Variants in IRAK1BP1 observed in about 807,000 individuals in gnomAD.
IRAK1BP1 encodes interleukin-1 receptor-associated kinase 1-binding protein 1.
Under a neutral mutation model 28.0 loss-of-function variants are expected in IRAK1BP1, and 24 were observed. The observed-to-expected ratio is 0.86, with a 90% CI of 0.62 to 1.20. The LOEUF (loss-of-function observed/expected upper bound fraction) is 1.20. Ranked by LOEUF, IRAK1BP1 falls within the 50% of genes most tolerant of loss-of-function variation. The probability of loss-of-function intolerance (pLI) is 0.00; values close to 1 mark genes in which losing one functional copy is unlikely to be tolerated. For missense variants in IRAK1BP1, 336 were observed against 316.7 expected, an observed-to-expected ratio of 1.06 and a Z score of -0.46; for synonymous variants, 131 against 116.3, an observed-to-expected ratio of 1.13 and a Z score of -0.81.
chr6:78,974,213 T>C, the IRAK1BP1 span, among the ~76,000 whole-genome samples: 1 of 152,058 alleles, frequency 6.6e-6, no homozygotes, highest in Admixed American at 6.5e-5. Flanking sequence ...GAATTCAGGA[T>C]TAAGAATCTC....
intron 2 of IRAK1BP1, among the ~76,000 whole-genome samples, chr6:78,889,456 A>G (rs1202690694): frequency 6.6e-6 from 1 of 152,124 alleles, no homozygotes; most frequent in Non-Finnish European, 1.5e-5. Flanking sequence ...GCTTCTGCAC[A>G]GCAAAAGAAA....
At chr6:78,971,062 CA>C in the IRAK1BP1 span, among the ~76,000 whole-genome samples, 2 of 152,116 alleles carry the variant, frequency 1.3e-5, no homozygotes, top group African/African-American at 4.8e-5. Context: ...AAATCATAAC[CA>C]AAGTGTTCTA....
chr6:78,920,527 A>C (rs551728485), intron 4 of IRAK1BP1, among the ~76,000 whole-genome samples: 64 of 152,288 alleles, frequency 4.2e-4, no homozygotes, highest in Middle Eastern at 3.4e-3. Flanking sequence ...AATAACAAGC[A>C]ATGGTGAAAG....
At chr6:78,895,657 A>G (rs1474825075) in intron 2 of IRAK1BP1, among the ~76,000 whole-genome samples, 1 of 152,222 alleles carries the variant, frequency 6.6e-6, no homozygotes, top group African/African-American at 2.4e-5. Context: ...TTATCTCAAT[A>G]GATACAGAAG....
At chr6:78,916,745 C>G (rs568569651) in intron 4 of IRAK1BP1, among the ~76,000 whole-genome samples, 91 of 151,928 alleles carry the variant, frequency 6.0e-4, no homozygotes, top group Admixed American at 4.5e-3. Context: ...AGAGACAAGC[C>G]CAGGCAGATC....
At chr6:78,903,942 C>G (rs903148271), downstream of IRAK1BP1, among the ~76,000 whole-genome samples, 4 of 152,168 alleles carry the variant, frequency 2.6e-5, no homozygotes, top group African/African-American at 7.2e-5. Context: ...TTCCCCTTCA[C>G]AAGACTGTGA....
intron 4 of IRAK1BP1, among the ~76,000 whole-genome samples, chr6:78,920,179 G>T (rs1301800208): frequency 6.6e-6 from 1 of 152,110 alleles, no homozygotes; most frequent in African/African-American, 2.4e-5. Flanking sequence ...GCTTGAACCT[G>T]GGAGGCAAAG....
Position 78,901,423 on chromosome 6 carries a change from CTGGAATCTTATGA to C in IRAK1BP1, c.*3092_*3104del, listed in dbSNP as rs1374509058. Reference sequence around the variant, plus strand: ...TTAATTTCTTGATACATGGCATACACTGGAATCTTATGATGAATTATTTAGGGGACCTGTGCCA... The same window carrying C: ...TTAATTTCTTGATACATGGCATACACTGAATTATTTAGGGGACCTGTGCCA... On this transcript the variant is annotated 3_prime_UTR_variant, in exon 4 of 4. Coordinates refer to ENST00000369940, the MANE Select transcript of IRAK1BP1 (RefSeq NM_001010844.4). 1 of 151,834 alleles carries C rather than the reference CTGGAATCTTATGA, an allele frequency of 6.6e-6. No homozygotes were observed. The highest frequency in any genetic ancestry group is 6.6e-5 in the Admixed American group (1 of 15,250). 9.4% of individuals were successfully genotyped at this position (151,834 alleles called of 1,614,324 possible).
chr6:78,871,432 C>T, intron 1 of IRAK1BP1: 1 of 985,554 alleles, frequency 1.0e-6, no homozygotes, highest in Non-Finnish European at 1.2e-6. Context: ...GACACCTTTT[C>T]TCCTTTTTGC....
intron 1 of IRAK1BP1, among the ~76,000 whole-genome samples, chr6:78,872,605 T>C (rs1186710373): frequency 6.6e-6 from 1 of 152,196 alleles, no homozygotes; most frequent in Non-Finnish European, 1.5e-5. Flanking sequence ...TGCTCCAGTT[T>C]CCTTTGAGTG....
chr6:78,939,708 G>C (rs925920228), intron 4 of IRAK1BP1: 1 of 151,960 alleles, frequency 6.6e-6, no homozygotes, highest in South Asian at 2.1e-4. Context: ...CATTAATCCA[G>C]ATCAACAAGT....
At chr6:78,885,127 C>T (rs1771371085) in intron 1 of IRAK1BP1, among the ~76,000 whole-genome samples, 1 of 151,976 alleles carries the variant, frequency 6.6e-6, no homozygotes, top group Non-Finnish European at 1.5e-5. Flanking sequence ...AACCATTCAA[C>T]CTTTATACAA....
chr6:78,887,608 A>G (rs574373110), intron 2 of IRAK1BP1, among the ~76,000 whole-genome samples: 45 of 152,154 alleles, frequency 3.0e-4, no homozygotes, highest in Middle Eastern at 3.4e-3. Context: ...GGAGGTTGCA[A>G]TGAGCCAAGA....
intron 1 of IRAK1BP1, chr6:78,871,543 T>C (rs1770791580): frequency 3.0e-6 from 3 of 984,938 alleles, no homozygotes; most frequent in African/African-American, 1.7e-5. Context: ...TCAAGGCATA[T>C]AGTTCTTGCA....
the IRAK1BP1 span, among the ~76,000 whole-genome samples, chr6:78,965,484 A>G: frequency 6.6e-6 from 1 of 152,206 alleles, no homozygotes; most frequent in South Asian, 2.1e-4. Flanking sequence ...TTGCTGTAAT[A>G]AATTAATTTC....
At chr6:78,967,871 A>G in the IRAK1BP1 span, among the ~76,000 whole-genome samples, 2 of 152,138 alleles carry the variant, frequency 1.3e-5, no homozygotes, top group African/African-American at 2.4e-5. Context: ...GCGGTGGCTC[A>G]TGCCTGTAAT....
the IRAK1BP1 span, chr6:78,954,789 A>G: frequency 6.6e-7 from 1 of 1,526,310 alleles, no homozygotes; most frequent in South Asian, 1.2e-5. Flanking sequence ...TGACAGGTAA[A>G]GAAAATATTT....
chr6:78,921,082 G>A (rs1382611066), intron 4 of IRAK1BP1, among the ~76,000 whole-genome samples: 1 of 152,158 alleles, frequency 6.6e-6, no homozygotes, highest in East Asian at 1.9e-4. Flanking sequence ...GTGGGTGCAG[G>A]ACAGAGGGTG....
At chr6:78,936,589 G>T (rs1447565135) in intron 4 of IRAK1BP1, 1 of 151,766 alleles carries the variant, frequency 6.6e-6, no homozygotes, top group Non-Finnish European at 1.5e-5. Flanking sequence ...GTGCCATAAG[G>T]TTAATTTCCT....
Sources: gnomAD v4.1 joint callset for allele counts (sites outside exome capture counted in the v4.1 genomes callset) on GRCh38, gnomAD v4.1.1 for gene constraint, MANE v1.5 for transcripts, NCBI Gene and HGNC (gene_info 2026-07-23, HGNC 2026-07-21) for gene names.